Variants in CNTN1 observed in about 807,000 individuals in gnomAD.
The protein encoded by CNTN1 is contactin-1.
CNTN1 carries 38 observed loss-of-function variants against 126.4 expected under a neutral mutation model. That is an observed-to-expected ratio of 0.30 (90% CI 0.23 to 0.39). The LOEUF (loss-of-function observed/expected upper bound fraction) is 0.39. Ranked by LOEUF, CNTN1 falls within the 10% of genes least tolerant of loss-of-function variation. The pLI, the probability that CNTN1 is intolerant of heterozygous loss-of-function variation, is 1.00. For missense variants in CNTN1, 1,009 were observed against 1,248.4 expected, an observed-to-expected ratio of 0.81 and a Z score of 2.89; for synonymous variants, 413 against 422.6, an observed-to-expected ratio of 0.98 and a Z score of 0.28.
intron 20 of CNTN1, among the ~76,000 whole-genome samples, chr12:41,021,385 C>G (rs1948906405): frequency 6.6e-6 from 1 of 151,854 alleles, no homozygotes; most frequent in South Asian, 2.1e-4. Flanking sequence ...AGCTTCAGCA[C>G]CCTCCCTTAT....
chr12:40,796,817 G>A (rs1250646870), intron 1 of CNTN1, among the ~76,000 whole-genome samples: 2 of 152,034 alleles, frequency 1.3e-5, no homozygotes, highest in Non-Finnish European at 2.9e-5. Flanking sequence ...AAAAGGTCAG[G>A]ACTGTGTGTG....
chr12:40,719,887 G>A (rs1195047612), intron 1 of CNTN1, among the ~76,000 whole-genome samples: 2 of 152,160 alleles, frequency 1.3e-5, no homozygotes, highest in Admixed American at 6.5e-5. Flanking sequence ...GCCCAGGCTG[G>A]AGTGCAGTGG....
At chr12:40,971,591 T>C (rs1947514185) in intron 15 of CNTN1, 2 of 1,530,488 alleles carry the variant, frequency 1.3e-6, no homozygotes, top group Non-Finnish European at 1.7e-6. Flanking sequence ...CTCAATCTTG[T>C]AGCTTCTGCA....
At chr12:40,736,174 C>G (rs1937671836) in intron 1 of CNTN1, among the ~76,000 whole-genome samples, 1 of 151,902 alleles carries the variant, frequency 6.6e-6, no homozygotes. Context: ...CATACAGAAT[C>G]AATCAATCAA....
intron 8 of CNTN1, 63 bp from the exon 9 acceptor site, chr12:40,933,634 T>C: frequency 6.4e-7 from 1 of 1,552,512 alleles, no homozygotes. Flanking sequence ...TGTTTAGCTA[T>C]AAACATAAAG....
intron 17 of CNTN1, among the ~76,000 whole-genome samples, chr12:41,006,359 G>T (rs907702184): frequency 2.0e-5 from 3 of 152,178 alleles, no homozygotes; most frequent in African/African-American, 7.2e-5. Flanking sequence ...CTCCCTGCAG[G>T]TGTTCACCAC....
At chr12:40,775,112 T>C in intron 1 of CNTN1, among the ~76,000 whole-genome samples, 1 of 151,218 alleles carries the variant, frequency 6.6e-6, no homozygotes, top group Non-Finnish European at 1.5e-5. Context: ...TCTTACTATA[T>C]TTTTGTACCC....
At chr12:40,731,816 A>G (rs1452569104) in intron 1 of CNTN1, among the ~76,000 whole-genome samples, 2 of 151,944 alleles carry the variant, frequency 1.3e-5, no homozygotes, top group African/African-American at 4.8e-5. Context: ...ACACAAATAC[A>G]TATTTAAATA....
chr12:41,009,586 C>T (rs1369238096), intron 17 of CNTN1, among the ~76,000 whole-genome samples: 1 of 152,188 alleles, frequency 6.6e-6, no homozygotes, highest in Non-Finnish European at 1.5e-5. Flanking sequence ...ACTATGGCCT[C>T]AGTGAGATGG....
intron 1 of CNTN1, among the ~76,000 whole-genome samples, chr12:40,901,329 C>T (rs1158844263): frequency 2.6e-5 from 4 of 152,086 alleles, no homozygotes; most frequent in Non-Finnish European, 5.9e-5. Flanking sequence ...TTTTTAATAA[C>T]GCTAAGTCAG....
chr12:40,978,619 A>G (rs1242782665), intron 15 of CNTN1: 1 of 152,190 alleles, frequency 6.6e-6, no homozygotes, highest in African/African-American at 2.4e-5. Flanking sequence ...GTATAATTAT[A>G]GTGTTTTGCT....
intron 17 of CNTN1, among the ~76,000 whole-genome samples, chr12:41,008,480 T>C (rs561192347): frequency 1.3e-4 from 20 of 152,300 alleles, no homozygotes; most frequent in African/African-American, 4.8e-4. Context: ...GTCTAGGTCA[T>C]CTTTTTTAAC....
At chr12:40,816,094 T>C (rs936219023) in intron 1 of CNTN1, among the ~76,000 whole-genome samples, 7 of 152,240 alleles carry the variant, frequency 4.6e-5, no homozygotes, top group Non-Finnish European at 1.0e-4. Flanking sequence ...TCATCAGGGA[T>C]ACTGGCCTGA....
intron 23 of CNTN1, among the ~76,000 whole-genome samples, chr12:41,059,730 A>G (rs2121097169): frequency 6.6e-6 from 1 of 152,304 alleles, no homozygotes; most frequent in Non-Finnish European, 1.5e-5. Context: ...AGAATTAAAA[A>G]ATCCATTGAA....
intron 1 of CNTN1, among the ~76,000 whole-genome samples, chr12:40,857,355 AG>A (rs1942949026): frequency 6.6e-6 from 1 of 152,166 alleles, no homozygotes; most frequent in African/African-American, 2.4e-5. Context: ...CAGTATGGGC[AG>A]GTAATACCTC....
intron 1 of CNTN1, among the ~76,000 whole-genome samples, chr12:40,904,192 G>C (rs1211866047): frequency 6.6e-6 from 1 of 151,912 alleles, no homozygotes; most frequent in Non-Finnish European, 1.5e-5. Flanking sequence ...CTAATTTTTT[G>C]TATTTTTAGT....
intron 14 of CNTN1, among the ~76,000 whole-genome samples, chr12:40,946,858 A>T (rs758780062): frequency 5.3e-5 from 8 of 151,934 alleles, no homozygotes; most frequent in Non-Finnish European, 1.0e-4. Flanking sequence ...GCCCGGTGTA[A>T]TTTGGGACTT....
intron 1 of CNTN1, among the ~76,000 whole-genome samples, chr12:40,739,474 GA>G (rs1460907286): frequency 6.6e-6 from 1 of 152,034 alleles, no homozygotes; most frequent in Non-Finnish European, 1.5e-5. Context: ...AAGGATGTCA[GA>G]TTTAGCAAAT....
At chr12:40,828,097 T>C (rs891046658) in intron 1 of CNTN1, 2 of 152,166 alleles carry the variant, frequency 1.3e-5, no homozygotes, top group Non-Finnish European at 2.9e-5. Flanking sequence ...CAGCCGGCTT[T>C]TCTGTCATCT....
Sources: allele counts gnomAD v4.1 joint callset (sites outside exome capture counted in the v4.1 genomes callset), GRCh38; gene constraint gnomAD v4.1.1; transcripts MANE v1.5; gene names NCBI Gene and HGNC (gene_info 2026-07-23, HGNC 2026-07-21).